Variants in TBXT observed in about 807,000 individuals in gnomAD.
TBXT encodes T-box transcription factor T.
A neutral mutation model predicts 41.1 loss-of-function variants in TBXT; 19 were observed. The ratio of observed to expected loss-of-function variants is 0.46; its 90% CI spans 0.32 to 0.68. The LOEUF is 0.68. Among genes scored for constraint, TBXT ranks in the 30% least tolerant of loss-of-function variants. The pLI is 0.03. For missense variants in TBXT, 536 were observed against 582.0 expected (o/e 0.92, Z 0.81); for synonymous variants, 213 against 238.9 (o/e 0.89, Z 1.00).
Position 166,158,242 on chromosome 6 carries a change from T to C in TBXT, c.*73A>G. The C allele has an allele frequency of 6.2e-7, 1 of 1,610,156 alleles. No individual in the cohort carries two copies. The highest frequency in any genetic ancestry group is 8.5e-7 in the Non-Finnish European group (1 of 1,176,664). ...CCTGAGACTGCCACTGGGTACCTAG[T>C]AGGTCAATCCAGTCACCACTGGCTG... On this transcript the variant is annotated 3_prime_UTR_variant, in exon 8 of 8. Transcript: ENST00000366876.
chr6:166,158,403 G>C lies in TBXT; in HGVS notation c.1223C>G (p.Ala408Gly), dbSNP rs746115753. The C allele has an allele frequency of 6.2e-7, 1 of 1,614,194 alleles. No homozygotes were observed. The highest frequency in any genetic ancestry group is 8.5e-7 in the Non-Finnish European group (1 of 1,180,042). ...GSPLYEGAAAATDIVDSQYDA... is the reference protein window; with the variant it reads ...GSPLYEGAAAGTDIVDSQYDA... Reference sequence around the variant, plus strand: ...GTACTGGCTGTCCACGATGTCTGTGGCCGCGGCCGCCCCTTCGTACAGTGG... The same window carrying C: ...GTACTGGCTGTCCACGATGTCTGTGCCCGCGGCCGCCCCTTCGTACAGTGG... Residue 408 changes from alanine to glycine, a missense_variant, in exon 8 of 8, where the codon GCC (alanine) becomes GGC (glycine). Transcript: ENST00000366876.
chr6:166,162,234 T>C (rs933438432), intron 6 of TBXT, among the ~76,000 whole-genome samples: 1 of 152,264 alleles, frequency 6.6e-6, no homozygotes, highest in African/African-American at 2.4e-5. Flanking sequence ...TGCAAGCCTC[T>C]GATCTGGGTG....
At position 166,166,749 on chromosome 6, in the gene TBXT, A is replaced by G. The variant is rs1220670136; in HGVS notation, c.314T>C (p.Val105Ala). ...GCCCCCCGGCACCCATTCCCCGTTC[A>G]CGTACTTCCAGCGGTGGTTGTCCGC... is the stretch of plus-strand genomic sequence containing the variant. ...VAADNHRWKY[V>A]NGEWVPGGKP... is the part of the protein sequence containing the mutation. Residue 105 changes from valine (V) to alanine (A), a missense_variant, in exon 2 of 8, where the codon GTG (valine) becomes GCG (alanine). Val to Ala is a moderately conservative substitution (Grantham distance 64). Transcript: ENST00000366876. 6.2e-7 allele frequency: 1 copy of G among 1,613,750 alleles called. No individual in the cohort carries two copies. The highest frequency in any genetic ancestry group is 2.2e-5 in the East Asian group (1 of 44,880).
At position 166,162,641 on chromosome 6, in the gene TBXT, G is replaced by A. The variant is rs1234483672; in HGVS notation, c.731-18C>T. The A allele has an allele frequency of 8.7e-6, 14 of 1,600,416 alleles. No homozygotes were observed. Among genetic ancestry groups the A allele is most frequent in the Non-Finnish European group, 1.2e-5 (14 of 1,172,824 alleles). ...CCCCCCTGCTGTGAGAAAAGACAGT[G>A]CTGAGTAACCTGCATTAGTGCTCCC... On this transcript the variant is annotated intron_variant, in intron 5 of 7. Coordinates refer to ENST00000366876, the MANE Select transcript of TBXT (RefSeq NM_001366285.2).
chr6:166,167,427 G>T lies in TBXT; in HGVS notation c.165C>A (p.Phe55Leu). The T allele has an allele frequency of 6.2e-7, 1 of 1,613,204 alleles. No individual in the cohort carries two copies. The highest frequency in any genetic ancestry group is 8.5e-7 in the Non-Finnish European group (1 of 1,179,946). The change falls in exon 1 of 8, where the codon TTC becomes TTA. Residue 55 changes from phenylalanine to leucine, a missense_variant. By Grantham distance (22) the Phe-to-Leu change is conservative (BLOSUM62 0). Transcript: ENST00000366876. Reference protein sequence around the residue: ...GLEESELWLRFKELTNEMIVT... With the variant: ...GLEESELWLRLKELTNEMIVT... Reference sequence around the variant, plus strand: ...CGATCATCTCATTGGTGAGCTCCTTGAAGCGCAGCCACAGCTCGCTCTCCT... The same window carrying T: ...CGATCATCTCATTGGTGAGCTCCTTTAAGCGCAGCCACAGCTCGCTCTCCT...
In TBXT at chr6:166,158,480, C is replaced by T. The variant is rs776170985; in HGVS notation, c.1146G>A (p.Ala382=). 1.4e-5 allele frequency: 22 copies of T among 1,612,316 alleles called. No homozygotes were observed. The highest frequency in any genetic ancestry group is 1.3e-4 in the African/African-American group (10 of 74,898). ...LGAQFFRGSP[A]HYTPLTHPVS... ...CCGGATGGGTGAGGGGTGTGTAGTG[C>T]GCGGGGGAGCCCCGGAAGAACTGGG... Residue 382 remains alanine, a synonymous_variant, in exon 8 of 8, where the codon GCG becomes GCA. Transcript: ENST00000366876.
Position 166,158,844 on chromosome 6 carries a change from G to A in TBXT, c.1038-256C>T, listed in dbSNP as rs79253185. Reference sequence around the variant, plus strand: ...TGAAAAGATTATTCACATATTCAGAGCTCATGAAAGAGCGCTGTTAAGTTT... The same window carrying A: ...TGAAAAGATTATTCACATATTCAGAACTCATGAAAGAGCGCTGTTAAGTTT... On this transcript the variant is annotated intron_variant, in intron 7 of 7. Coordinates refer to ENST00000366876, the MANE Select transcript of TBXT (RefSeq NM_001366285.2). 3.9e-3 allele frequency among the ~76,000 whole-genome samples: 597 copies of A among 152,330 alleles called. 3 individuals carry two copies. The highest frequency in any genetic ancestry group is 0.014 in the African/African-American group (571 of 41,574).
chr6:166,166,740 T>A lies in TBXT; in HGVS notation c.323A>T (p.Glu108Val), dbSNP rs1007837838. The A allele has an allele frequency of 6.2e-7, 1 of 1,613,600 alleles. No individual in the cohort carries two copies. The highest frequency in any genetic ancestry group is 1.3e-5 in the African/African-American group (1 of 74,912). The change falls in exon 2 of 8, where the codon GAA (glutamate) becomes GTA (valine). Residue 108 changes from glutamate (E) to valine (V), a missense_variant. Glu to Val is a moderately radical substitution (Grantham distance 121). Coordinates refer to ENST00000366876, the MANE Select transcript of TBXT (RefSeq NM_001366285.2). ...CTCCGGCTTGCCCCCCGGCACCCATTCCCCGTTCACGTACTTCCAGCGGTG... is the reference window on the plus strand; with the variant it reads ...CTCCGGCTTGCCCCCCGGCACCCATACCCCGTTCACGTACTTCCAGCGGTG... Reference protein sequence around the residue: ...DNHRWKYVNGEWVPGGKPEPQ... With the variant: ...DNHRWKYVNGVWVPGGKPEPQ...
chr6:166,167,356 G>A (rs752182710), intron 1 of TBXT, 30 bp downstream of exon 1: 2 of 1,610,642 alleles, frequency 1.2e-6, no homozygotes, highest in Non-Finnish European at 1.7e-6. Context: ...TGGAGAGCGC[G>A]GCGCGCGCGG....
At chr6:166,168,171 T>C (rs112190214), upstream of TBXT, among the ~76,000 whole-genome samples, 297 of 134,856 alleles carry the variant, frequency 2.2e-3, 5 homozygotes, top group African/African-American at 9.8e-3. Flanking sequence ...CGCCCCGGCC[T>C]GCCCCAGCCC....
At chr6:166,166,551 C>G (rs1562389908) in intron 2 of TBXT, 41 bp downstream of exon 2, 1 of 1,612,700 alleles carries the variant, frequency 6.2e-7, no homozygotes, top group Non-Finnish European at 8.5e-7. Flanking sequence ...GCGCGGCCCC[C>G]TCCTCGCTGG....
In TBXT at chr6:166,166,719, G is replaced by A. The variant is rs754536703; in HGVS notation, c.344C>T (p.Pro115Leu). The change falls in exon 2 of 8, where the codon CCG becomes CTG. Residue 115 changes from proline (P) to leucine (L), a missense_variant. Physicochemically the swap from Pro to Leu is moderately conservative, Grantham distance 98. Coordinates refer to ENST00000366876, the MANE Select transcript of TBXT (RefSeq NM_001366285.2). ...VNGEWVPGGK[P>L]EPQAPSCVYI... ...GACGCAGCTGGGCGCCTGCGGCTCC[G>A]GCTTGCCCCCCGGCACCCATTCCCC... The A allele has an allele frequency of 5.0e-6, 8 of 1,613,654 alleles. No individual in the cohort carries two copies. The highest frequency in any genetic ancestry group is 2.2e-5 in the East Asian group (1 of 44,894).
At position 166,167,736 on chromosome 6, in the gene TBXT, G is replaced by T. The variant is rs1439344177; in HGVS notation, c.-145C>A. On this transcript the variant is annotated 5_prime_UTR_variant, in exon 1 of 8. Coordinates refer to ENST00000366876, the MANE Select transcript of TBXT (RefSeq NM_001366285.2). ...CGACGGCTCCCGGGTCCCGGGTCCCGGCACAGACCCGGGAGGAGGGCGCGG... is the reference window on the plus strand; with the variant it reads ...CGACGGCTCCCGGGTCCCGGGTCCCTGCACAGACCCGGGAGGAGGGCGCGG... The T allele has an allele frequency of 1.9e-6, 2 of 1,065,580 alleles. No individual in the cohort carries two copies. Among genetic ancestry groups the T allele is most frequent in the Admixed American group, 2.3e-5 (1 of 43,524 alleles). The allele number at this position is 1,065,580 out of a possible 1,614,324, so 66.0% of individuals were successfully genotyped here.
At position 166,167,615 on chromosome 6, in the gene TBXT, G is replaced by A. The variant is rs766904827; in HGVS notation, c.-24C>T. Reference sequence around the variant, plus strand: ...ATCCTCCCGTCCGGCTCCCCTCCCCGCCGTCCCCGAAGCCCAGACTCGCTA... The same window carrying A: ...ATCCTCCCGTCCGGCTCCCCTCCCCACCGTCCCCGAAGCCCAGACTCGCTA... On this transcript the variant is annotated 5_prime_UTR_variant, in exon 1 of 8. Coordinates refer to ENST00000366876, the MANE Select transcript of TBXT (RefSeq NM_001366285.2). 5.8e-6 allele frequency: 9 copies of A among 1,541,186 alleles called. No homozygotes were observed. In the Admixed American group the frequency reaches 1.4e-4, roughly 23 times the overall value.
chr6:166,161,960 G>C (rs1778971042), intron 6 of TBXT, among the ~76,000 whole-genome samples: 1 of 152,238 alleles, frequency 6.6e-6, no homozygotes, highest in African/African-American at 2.4e-5. Context: ...ACCAAGAGCT[G>C]CTGCCTGTCA....
At chr6:166,167,077 G>T (rs977688865) in intron 1 of TBXT, among the ~76,000 whole-genome samples, 1 of 152,238 alleles carries the variant, frequency 6.6e-6, no homozygotes, top group Non-Finnish European at 1.5e-5. Context: ...AGAGGACCTG[G>T]CGAAGGGTTT....
chr6:166,160,232 T>A lies in TBXT; in HGVS notation c.1037+605A>T, dbSNP rs530144584. ...ACCAGCCTGCTTAATTTGTAAGCCTTTTTCCCTCTGCATAACTTGCAAGTT... is the reference window on the plus strand; with the variant it reads ...ACCAGCCTGCTTAATTTGTAAGCCTATTTCCCTCTGCATAACTTGCAAGTT... On this transcript the variant is annotated intron_variant, in intron 7 of 7. Transcript: ENST00000366876. Among the ~76,000 whole-genome samples the A allele has an allele frequency of 3.3e-5, 5 of 152,318 alleles. No individual in the cohort carries two copies. In the South Asian group the frequency reaches 1.0e-3, roughly 32 times the overall value.
At chr6:166,167,365 G>T (rs1361821044) in intron 1 of TBXT, 21 bp downstream of exon 1, 4 of 1,611,330 alleles carry the variant, frequency 2.5e-6, no homozygotes, top group Non-Finnish European at 2.5e-6. Context: ...CGGCGCGCGC[G>T]GGCTCCGGAC....
At chr6:166,163,812 G>A (rs867609894) in intron 5 of TBXT, among the ~76,000 whole-genome samples, 1 of 152,246 alleles carries the variant, frequency 6.6e-6, no homozygotes, top group Non-Finnish European at 1.5e-5. Context: ...GGGTGCAGAC[G>A]TGCCCTGGCT....
Sources: gnomAD v4.1 joint callset for allele counts (sites outside exome capture counted in the v4.1 genomes callset) on GRCh38, gnomAD v4.1.1 for gene constraint, MANE v1.5 for transcripts, NCBI Gene and HGNC (gene_info 2026-07-23, HGNC 2026-07-21) for gene names.